Variants in N4BP2 observed in about 807,000 individuals in gnomAD.
N4BP2 encodes NEDD4 binding protein 2.
Under a neutral mutation model 152.8 loss-of-function variants are expected in N4BP2, and 91 were observed. The ratio of observed to expected loss-of-function variants is 0.60; its 90% CI spans 0.50 to 0.71. The LOEUF (loss-of-function observed/expected upper bound fraction) is 0.71, where lower values mean the gene tolerates loss of function less well. N4BP2 is among the 30% of genes least tolerant of loss of function. N4BP2 has a pLI of 0.00. For missense variants in N4BP2, 1,923 were observed against 2,059.1 expected (o/e 0.93, Z 1.28); for synonymous variants, 646 against 705.3 (o/e 0.92, Z 1.33).
chr4:40,148,389 G>A (rs1011843368), intron 16 of N4BP2, among the ~76,000 whole-genome samples: 9 of 151,544 alleles, frequency 5.9e-5, no homozygotes, highest in African/African-American at 7.2e-5. Context: ...GCAGTGAGCC[G>A]AGATGGCAGC....
chr4:40,113,069 AT>A (rs1717037877), intron 6 of N4BP2, among the ~76,000 whole-genome samples: 1 of 152,200 alleles, frequency 6.6e-6, no homozygotes, highest in Admixed American at 6.6e-5. Context: ...CACATGTAGA[AT>A]TTAAATATTA....
chr4:40,110,895 T>C (rs1716815107), intron 5 of N4BP2, among the ~76,000 whole-genome samples: 1 of 152,202 alleles, frequency 6.6e-6, no homozygotes, highest in Non-Finnish European at 1.5e-5. Context: ...TGTTAGAGAC[T>C]GGGCAGAACT....
the N4BP2 span, among the ~76,000 whole-genome samples, chr4:40,179,132 G>T: frequency 6.6e-6 from 1 of 152,172 alleles, no homozygotes; most frequent in African/African-American, 2.4e-5. Context: ...AGTTTGGGAG[G>T]CCGAGGCGGG....
At chr4:40,141,514 C>T (rs937732063) in intron 14 of N4BP2, among the ~76,000 whole-genome samples, 10 of 151,520 alleles carry the variant, frequency 6.6e-5, no homozygotes, top group Non-Finnish European at 7.4e-5. Flanking sequence ...GCGCTCCTCA[C>T]TTCCTAGATG....
At chr4:40,083,315 C>T (rs1205302045) in intron 2 of N4BP2, among the ~76,000 whole-genome samples, 2 of 152,120 alleles carry the variant, frequency 1.3e-5, no homozygotes, top group East Asian at 3.9e-4. Flanking sequence ...ACCGTATGAA[C>T]TAGCAATTCC....
the N4BP2 span, among the ~76,000 whole-genome samples, chr4:40,181,674 C>T: frequency 6.6e-6 from 1 of 152,110 alleles, no homozygotes; most frequent in South Asian, 2.1e-4. Context: ...AGTCCGGGTG[C>T]GGTGGCTCAC....
intron 5 of N4BP2, among the ~76,000 whole-genome samples, chr4:40,111,615 G>A (rs557232724): frequency 6.9e-5 from 10 of 145,974 alleles, no homozygotes; most frequent in African/African-American, 2.0e-4. Flanking sequence ...CACCGCGCCC[G>A]GCCTTGTTTT....
chr4:40,096,236 A>G (rs1190380248), intron 2 of N4BP2, among the ~76,000 whole-genome samples: 2 of 152,204 alleles, frequency 1.3e-5, no homozygotes, highest in South Asian at 2.1e-4. Context: ...TAAGAAAACA[A>G]TAAGTCCTAT....
At chr4:40,091,840 C>A (rs1446060097) in intron 2 of N4BP2, among the ~76,000 whole-genome samples, 1 of 148,526 alleles carries the variant, frequency 6.7e-6, no homozygotes, top group African/African-American at 2.5e-5. Context: ...AACTCCTGGG[C>A]TCAAGCGATC....
intron 16 of N4BP2, among the ~76,000 whole-genome samples, chr4:40,145,698 C>G (rs1720450961): frequency 6.6e-6 from 1 of 151,980 alleles, no homozygotes; most frequent in Admixed American, 6.6e-5. Context: ...TAGTGTTTTA[C>G]TCAATAAATA....
intron 5 of N4BP2, among the ~76,000 whole-genome samples, chr4:40,107,772 G>T (rs542846870): frequency 3.3e-5 from 5 of 152,076 alleles, no homozygotes; most frequent in African/African-American, 1.2e-4. Context: ...TTCATAGGGT[G>T]GTTATAAGGA....
At chr4:40,128,662 G>A (rs553970776) in intron 12 of N4BP2, among the ~76,000 whole-genome samples, 2 of 151,586 alleles carry the variant, frequency 1.3e-5, no homozygotes, top group Non-Finnish European at 2.9e-5. Context: ...CAAGTAGCTG[G>A]GATTACAGGC....
At chr4:40,101,672 A>C (rs1715668187) in intron 3 of N4BP2, among the ~76,000 whole-genome samples, 1 of 152,242 alleles carries the variant, frequency 6.6e-6, no homozygotes, top group African/African-American at 2.4e-5. Flanking sequence ...AAGAGAATAC[A>C]TAAAATACTT....
intron 2 of N4BP2, among the ~76,000 whole-genome samples, chr4:40,075,514 C>T (rs1353725280): frequency 1.3e-5 from 2 of 152,066 alleles, no homozygotes; most frequent in African/African-American, 4.8e-5. Context: ...TCTTCTGCCT[C>T]AGCCTCCTCA....
Position 40,138,738 on chromosome 4 carries a change from C to G in N4BP2, c.4785+1656C>G, listed in dbSNP as rs142559844. 3.2e-3 allele frequency among the ~76,000 whole-genome samples: 486 copies of G among 152,290 alleles called. 1 individual carries two copies. The highest frequency in any genetic ancestry group is 0.011 in the African/African-American group (444 of 41,548). ...AGTTACAAGGATTTATTGCTGGACT[C>G]CTAATTCTATTCCATTGATCTGTAT... is the stretch of plus-strand genomic sequence containing the variant. On this transcript the variant is annotated intron_variant, in intron 14 of 17. Transcript: ENST00000261435.
intron 2 of N4BP2, 63 bp from the exon 3 acceptor site, chr4:40,097,164 C>A: frequency 1.8e-6 from 1 of 550,218 alleles, no homozygotes; most frequent in Non-Finnish European, 3.2e-6. Context: ...ATAAAGATGT[C>A]ATTCCGATTT....
At chr4:40,103,839 G>C (rs1057441705) in intron 4 of N4BP2, among the ~76,000 whole-genome samples, 9 of 152,196 alleles carry the variant, frequency 5.9e-5, no homozygotes, top group African/African-American at 1.9e-4. Flanking sequence ...GTCAGTGTTA[G>C]AGGCAGCTTT....
intron 2 of N4BP2, among the ~76,000 whole-genome samples, chr4:40,076,809 C>T (rs1038293203): frequency 1.3e-5 from 2 of 152,118 alleles, no homozygotes; most frequent in Admixed American, 6.6e-5. Context: ...TTTTTAGTGA[C>T]ATACTTTTGG....
intron 3 of N4BP2, among the ~76,000 whole-genome samples, chr4:40,101,310 C>T (rs541239613): frequency 6.6e-6 from 1 of 152,206 alleles, no homozygotes; most frequent in South Asian, 2.1e-4. Flanking sequence ...GCATGCGCCG[C>T]CACTATGCCC....
Sources: allele counts gnomAD v4.1 joint callset (sites outside exome capture counted in the v4.1 genomes callset), GRCh38; gene constraint gnomAD v4.1.1; transcripts MANE v1.5; gene names NCBI Gene and HGNC (gene_info 2026-07-23, HGNC 2026-07-21).